The following CADM3 variants were observed in gnomAD, a reference collection of about 807,000 sequenced individuals.
CADM3 encodes cell adhesion molecule 3.
CADM3 carries 11 observed loss-of-function variants against 44.9 expected under a neutral mutation model. That is an observed-to-expected ratio of 0.25 (90% confidence interval 0.15 to 0.41). CADM3 has a LOEUF of 0.41. Among genes scored for constraint, CADM3 ranks in the 10% least tolerant of loss-of-function variants. CADM3 has a pLI of 1.00. For synonymous variants in CADM3, 207 were observed against 205.2 expected (o/e 1.01, Z -0.08); for missense variants, 426 against 512.0 (o/e 0.83, Z 1.62).
At chr1:159,197,554 G>A (rs1360229015) in intron 7 of CADM3, 2 of 152,356 alleles carry the variant, frequency 1.3e-5, no homozygotes, top group African/African-American at 4.8e-5. Context: ...ACTATGCCAA[G>A]AGACAGAATC....
intron 6 of CADM3, chr1:159,196,668 A>G: frequency 1.6e-6 from 1 of 636,958 alleles, no homozygotes. Context: ...GTTTCCCACA[A>G]AGGCCAAGTT....
rs1030541433 is a variant in CADM3 at position 159,182,837 on chromosome 1, G to A, written c.89-9099G>A. Among the ~76,000 whole-genome samples the A allele has an allele frequency of 2.0e-5, 3 of 152,162 alleles. No individual in the cohort carries two copies. The South Asian group carries it at 6.2e-4, about 32-fold the overall frequency. ...ATGTATTCATAATACCTTAAAGTTT[G>A]GATAGGGGAAAACATTTGAATTTTC... On this transcript the variant is annotated intron_variant, in intron 1 of 8. Transcript: ENST00000368125.
chr1:159,186,691 T>C (rs566496795), intron 1 of CADM3, among the ~76,000 whole-genome samples: 1 of 152,346 alleles, frequency 6.6e-6, no homozygotes, highest in East Asian at 1.9e-4. Flanking sequence ...GAATTTATTA[T>C]ACAGGCTTAC....
intron 1 of CADM3, among the ~76,000 whole-genome samples, chr1:159,185,600 A>T (rs912683152): frequency 6.6e-6 from 1 of 152,230 alleles, no homozygotes; most frequent in Non-Finnish European, 1.5e-5. Context: ...TTGTTCTGGA[A>T]TAATGAATAT....
intron 1 of CADM3, among the ~76,000 whole-genome samples, chr1:159,174,391 G>A (rs911401223): frequency 2.2e-4 from 33 of 152,146 alleles, no homozygotes; most frequent in African/African-American, 7.7e-4. Flanking sequence ...GGGGCCCCTA[G>A]GAAGAGAACT....
At chr1:159,177,089 G>A (rs533446494) in intron 1 of CADM3, among the ~76,000 whole-genome samples, 3 of 152,156 alleles carry the variant, frequency 2.0e-5, no homozygotes, top group Non-Finnish European at 4.4e-5. Flanking sequence ...GGGGGCACAG[G>A]CTCTCTGTTC....
intron 1 of CADM3, among the ~76,000 whole-genome samples, chr1:159,190,350 C>G (rs886231142): frequency 6.6e-6 from 1 of 152,192 alleles, no homozygotes; most frequent in Non-Finnish European, 1.5e-5. Flanking sequence ...AGTTTTAATG[C>G]TCAATTTAGA....
intron 1 of CADM3, among the ~76,000 whole-genome samples, chr1:159,191,597 T>C (rs1452675983): frequency 6.6e-6 from 1 of 152,156 alleles, no homozygotes; most frequent in Non-Finnish European, 1.5e-5. Context: ...AGGTAAATGG[T>C]AGAACCATAT....
chr1:159,199,523 A>G (rs901090676), intron 7 of CADM3, among the ~76,000 whole-genome samples: 1 of 152,186 alleles, frequency 6.6e-6, no homozygotes, highest in Non-Finnish European at 1.5e-5. Context: ...TTAGATGACT[A>G]GGTATGGGCA....
Position 159,171,867 on chromosome 1 carries a change from G to A in CADM3, c.88+14G>A. On this transcript the variant is annotated intron_variant, in intron 1 of 8. Transcript: ENST00000368125. ...TCTCCCAGGACGGTGAGTGAGGGAG[G>A]GGGCGGCGCCTGGGGAGGTGGGGAG... is the stretch of plus-strand genomic sequence containing the variant. 4.0e-6 allele frequency: 5 copies of A among 1,236,678 alleles called. No homozygotes were observed. Among genetic ancestry groups the A allele is most frequent in the Non-Finnish European group, 4.0e-6 (4 of 988,050 alleles). The allele number at this position is 1,236,678 out of a possible 1,614,324, so 76.6% of individuals were successfully genotyped here. A position where few individuals can be genotyped will look rare whatever the true frequency, so the allele number is the denominator to read the frequency against.
At chr1:159,192,154 T>C (rs1157644299) in intron 2 of CADM3, 78 bp downstream of exon 2, 9 of 1,470,742 alleles carry the variant, frequency 6.1e-6, no homozygotes, top group Non-Finnish European at 7.4e-6. Flanking sequence ...GGGGAACTGT[T>C]CCTGTCATCC....
At chr1:159,195,958 C>T (rs983361862) in intron 5 of CADM3, 1 of 161,884 alleles carries the variant, frequency 6.2e-6, no homozygotes, top group African/African-American at 2.4e-5. Flanking sequence ...TTCTAAGCTC[C>T]CTTGCAGAGC....
At chr1:159,192,769 C>T (rs1468036439) in intron 3 of CADM3, 39 bp downstream of exon 3, 1 of 1,588,508 alleles carries the variant, frequency 6.3e-7, no homozygotes, top group Middle Eastern at 2.1e-4. Flanking sequence ...CAGCATGCTT[C>T]CTTGCAAACA....
rs752463453 is a variant in CADM3 at position 159,171,806 on chromosome 1, T to C, written c.41T>C (p.Leu14Pro). ...PAASLLLLLL[L>P]FACCWAPGGA... is the part of the protein sequence containing the mutation. ...GCCTCGCTCCTGCTCCTGCTCCTGC[T>C]GTTCGCCTGCTGCTGGGCGCCCGGC... Residue 14 changes from leucine to proline, a missense_variant, in exon 1 of 9, where the codon CTG becomes CCG. Around this residue, in one of 2 missense-constraint regions of CADM3, gnomAD observed 64 missense variants for 37.4 expected, o/e 1.71. Transcript: ENST00000368125. 3.2e-6 allele frequency: 4 copies of C among 1,247,954 alleles called. 1 individual carries two copies. Among genetic ancestry groups the C allele is most frequent in the Middle Eastern group, 4.5e-4 (2 of 4,492 alleles). The allele number at this position is 1,247,954 out of a possible 1,614,324, so 77.3% of individuals were successfully genotyped here. A position where few individuals can be genotyped will look rare whatever the true frequency, so the allele number is the denominator to read the frequency against.
intron 1 of CADM3, among the ~76,000 whole-genome samples, chr1:159,172,949 G>A (rs1648875767): frequency 6.6e-6 from 1 of 152,122 alleles, no homozygotes; most frequent in Admixed American, 6.5e-5. Context: ...CCGAGCCTCA[G>A]GTCCCTGAGG....
In CADM3 at chr1:159,201,022, C is replaced by CCCGCTTGCT. The variant is rs1650170804; in HGVS notation, c.*103_*111dup. On this transcript the variant is annotated 3_prime_UTR_variant, in exon 9 of 9. Transcript: ENST00000368125. ...ACAGAGCAACCGCAGGGCCGCCCCTCCCGCTTGCTCCCCAGCCCACCCACC... is the reference window on the plus strand; with the variant it reads ...ACAGAGCAACCGCAGGGCCGCCCCTCCCGCTTGCTCCGCTTGCTCCCCAGCCCACCCACC... 1 of 696,038 alleles carries CCCGCTTGCT rather than the reference C, an allele frequency of 1.4e-6. No homozygotes were observed. Among genetic ancestry groups the CCCGCTTGCT allele is most frequent in the Non-Finnish European group, 2.3e-6 (1 of 442,512 alleles). The allele number at this position is 696,038 out of a possible 1,614,324, so 43.1% of individuals were successfully genotyped here. A position where few individuals can be genotyped will look rare whatever the true frequency, so the allele number is the denominator to read the frequency against.
At position 159,193,459 on chromosome 1, in the gene CADM3, C is replaced by A. The variant is rs1292671099; in HGVS notation, c.419C>A (p.Ser140Tyr). The A allele has an allele frequency of 6.2e-7, 1 of 1,611,516 alleles. No homozygotes were observed. Among genetic ancestry groups the A allele is most frequent in the Non-Finnish European group, 8.5e-7 (1 of 1,178,106 alleles). ...AAGCCCATCATCACTGGTTATAAAT[C>A]TTCATTACGGGAAAAAGACACAGCC... is the stretch of plus-strand genomic sequence containing the variant. ...PQKPIITGYK[S>Y]SLREKDTATL... Residue 140 changes from serine (S) to tyrosine (Y), a missense_variant, in exon 4 of 9, where the codon TCT becomes TAT. Transcript: ENST00000368125.
chr1:159,200,294 T>C (rs996214499), intron 8 of CADM3, among the ~76,000 whole-genome samples: 6 of 152,182 alleles, frequency 3.9e-5, no homozygotes, highest in Non-Finnish European at 7.3e-5. Context: ...CTCCCCCTTT[T>C]CTACCTTCTC....
Position 159,200,926 on chromosome 1 carries a change from C to T in CADM3, c.*4C>T, listed in dbSNP as rs765347515. 8.2e-6 allele frequency: 13 copies of T among 1,585,156 alleles called. No homozygotes were observed. The highest frequency in any genetic ancestry group is 5.4e-5 in the African/African-American group (4 of 73,866). On this transcript the variant is annotated 3_prime_UTR_variant, in exon 9 of 9. Coordinates refer to ENST00000368125, the MANE Select transcript of CADM3 (RefSeq NM_001127173.3). ...CAAGAAGGAATATTTCATCTAGAGGCGCCTGCCCACTTCCTGCGCCCCCCA... is the reference window on the plus strand; with the variant it reads ...CAAGAAGGAATATTTCATCTAGAGGTGCCTGCCCACTTCCTGCGCCCCCCA...
Sources: gnomAD v4.1 joint callset for allele counts (sites outside exome capture counted in the v4.1 genomes callset) on GRCh38, gnomAD v4.1.1 for gene constraint, gnomAD v4.1.1 regional missense constraint, MANE v1.5 for transcripts, NCBI Gene and HGNC (gene_info 2026-07-23, HGNC 2026-07-21) for gene names.